Variants in DLGAP2 observed in about 807,000 individuals in gnomAD.
The protein encoded by DLGAP2 is disks large-associated protein 2.
DLGAP2 carries 26 observed loss-of-function variants against 100.3 expected under a neutral mutation model. The ratio of observed to expected loss-of-function variants is 0.26; its 90% confidence interval spans 0.19 to 0.36. DLGAP2 has a LOEUF of 0.36. Among genes scored for constraint, DLGAP2 ranks in the 10% least tolerant of loss-of-function variants. The probability of loss-of-function intolerance (pLI) is 1.00; values close to 1 mark genes in which losing one functional copy is unlikely to be tolerated. For synonymous variants in DLGAP2, 886 were observed against 630.1 expected, an observed-to-expected ratio of 1.41 and a Z score of -6.08; for missense variants, 1,858 against 1,453.2, an observed-to-expected ratio of 1.28 and a Z score of -4.53.
chr8:1,506,677 G>A (rs541127014), intron 4 of DLGAP2, among the ~76,000 whole-genome samples: 1 of 152,158 alleles, frequency 6.6e-6, no homozygotes, highest in Non-Finnish European at 1.5e-5. Context: ...CCTGCTGATT[G>A]GTCCATTTTA....
At chr8:1,635,317 G>A (rs1797740924) in intron 8 of DLGAP2, among the ~76,000 whole-genome samples, 1 of 152,222 alleles carries the variant, frequency 6.6e-6, no homozygotes, top group Non-Finnish European at 1.5e-5. Context: ...ACGGGATGTA[G>A]GTGCCTCGAT....
chr8:1,089,594 GT>G (rs1362708848), intron 2 of DLGAP2, among the ~76,000 whole-genome samples: 1 of 152,244 alleles, frequency 6.6e-6, no homozygotes, highest in Non-Finnish European at 1.5e-5. Flanking sequence ...ACTGCTCAGA[GT>G]TGGGTTGGAA....
At chr8:1,531,124 C>G (rs548951468) in intron 4 of DLGAP2, among the ~76,000 whole-genome samples, 3 of 151,966 alleles carry the variant, frequency 2.0e-5, no homozygotes, top group Non-Finnish European at 4.4e-5. Context: ...AACTTTGTTT[C>G]TTTTTTAAGT....
chr8:950,826 A>T (rs1314037520), intron 2 of DLGAP2, among the ~76,000 whole-genome samples: 3 of 151,752 alleles, frequency 2.0e-5, no homozygotes. Context: ...GGGTTTCACC[A>T]TATTGGCCAG....
chr8:1,372,743 A>T (rs1173858429), intron 3 of DLGAP2, among the ~76,000 whole-genome samples: 1 of 152,190 alleles, frequency 6.6e-6, no homozygotes, highest in African/African-American at 2.4e-5. Context: ...ATATATTTCC[A>T]GTGTTTCATC....
intron 2 of DLGAP2, among the ~76,000 whole-genome samples, chr8:996,595 G>A (rs1324553595): frequency 2.0e-5 from 3 of 152,206 alleles, no homozygotes; most frequent in Non-Finnish European, 2.9e-5. Flanking sequence ...GGAGAGACAA[G>A]TTTCGTTATC....
intron 1 of DLGAP2, chr8:738,606 A>C (rs1585808505): frequency 1.3e-5 from 2 of 150,702 alleles, no homozygotes; most frequent in East Asian, 4.1e-4. Flanking sequence ...TGAGGATGTA[A>C]TTATTACAGC....
At chr8:1,672,482 C>A (rs1798715664) in intron 10 of DLGAP2, among the ~76,000 whole-genome samples, 1 of 152,198 alleles carries the variant, frequency 6.6e-6, no homozygotes, top group Non-Finnish European at 1.5e-5. Context: ...CCTGTCTCAG[C>A]CTCCCCAAGT....
intron 2 of DLGAP2, among the ~76,000 whole-genome samples, chr8:1,046,838 C>CT (rs545372124): frequency 3.2e-4 from 47 of 149,042 alleles, no homozygotes; most frequent in Non-Finnish European, 4.9e-4. Flanking sequence ...CACAACCCCC[C>CT]TTTTTTTTTT....
chr8:840,790 G>A (rs1434927561), intron 1 of DLGAP2, among the ~76,000 whole-genome samples: 1 of 152,180 alleles, frequency 6.6e-6, no homozygotes, highest in Non-Finnish European at 1.5e-5. Context: ...CACGGTACAT[G>A]CCTGCACGTC....
chr8:1,305,368 G>C (rs1800466343), intron 3 of DLGAP2, among the ~76,000 whole-genome samples: 1 of 152,150 alleles, frequency 6.6e-6, no homozygotes, highest in Non-Finnish European at 1.5e-5. Flanking sequence ...ATTTTGTTTG[G>C]TTTAGATAAT....
At chr8:1,558,231 G>A (rs183759626) in intron 5 of DLGAP2, among the ~76,000 whole-genome samples, 13 of 152,348 alleles carry the variant, frequency 8.5e-5, no homozygotes, top group Non-Finnish European at 7.3e-5. Context: ...ATAGGAGCTG[G>A]ACGGGGCCAA....
intron 2 of DLGAP2, among the ~76,000 whole-genome samples, chr8:1,130,305 TG>T (rs1161470430): frequency 6.6e-6 from 1 of 152,214 alleles, no homozygotes; most frequent in Non-Finnish European, 1.5e-5. Context: ...TTCTGTTTTT[TG>T]GTATAGATGT....
chr8:1,312,319 A>G (rs909420795), intron 3 of DLGAP2, among the ~76,000 whole-genome samples: 3 of 152,272 alleles, frequency 2.0e-5, no homozygotes, highest in African/African-American at 4.8e-5. Flanking sequence ...CACCTAGGAA[A>G]GAACAGATTG....
chr8:1,599,391 G>C (rs971062616), intron 6 of DLGAP2, among the ~76,000 whole-genome samples: 9 of 152,162 alleles, frequency 5.9e-5, no homozygotes, highest in African/African-American at 2.2e-4. Flanking sequence ...GCTTGGTCCA[G>C]AGCTGAATTG....
At chr8:1,392,304 G>A (rs1203060093) in intron 3 of DLGAP2, among the ~76,000 whole-genome samples, 2 of 152,100 alleles carry the variant, frequency 1.3e-5, no homozygotes, top group Admixed American at 6.6e-5. Context: ...CTGGGTTGAG[G>A]CGCCATCTGG....
At chr8:1,145,467 T>A (rs932710633) in intron 2 of DLGAP2, among the ~76,000 whole-genome samples, 1 of 152,192 alleles carries the variant, frequency 6.6e-6, no homozygotes, top group African/African-American at 2.4e-5. Flanking sequence ...TCCCGTCCTG[T>A]GGGTGTGCAT....
chr8:1,283,803 T>C (rs889035119), intron 3 of DLGAP2, among the ~76,000 whole-genome samples: 1 of 152,250 alleles, frequency 6.6e-6, no homozygotes, highest in African/African-American at 2.4e-5. Context: ...CTATTTTATT[T>C]ATAAAAGCAA....
chr8:1,439,463 C>G (rs1797763330), intron 3 of DLGAP2, among the ~76,000 whole-genome samples: 2 of 152,246 alleles, frequency 1.3e-5, no homozygotes, highest in South Asian at 4.2e-4. Flanking sequence ...GACCTGCTGC[C>G]CAGCCTTGCT....
Sources: gnomAD v4.1 joint callset for allele counts (sites outside exome capture counted in the v4.1 genomes callset) on GRCh38, gnomAD v4.1.1 for gene constraint, MANE v1.5 for transcripts, NCBI Gene and HGNC (gene_info 2026-07-23, HGNC 2026-07-21) for gene names.